FZD6: variants seen among roughly 807,000 people sequenced by gnomAD.
FZD6 encodes frizzled-6.
A neutral mutation model predicts 61.4 loss-of-function variants in FZD6; 49 were observed. That is an observed-to-expected ratio of 0.80 (90% CI 0.63 to 1.01). The LOEUF is 1.01. FZD6 is among the 50% of genes least tolerant of loss of function. The pLI, the probability that FZD6 is intolerant of heterozygous loss-of-function variation, is 0.00. For synonymous variants in FZD6, 265 were observed against 292.2 expected, an observed-to-expected ratio of 0.91 and a Z score of 0.95; for missense variants, 724 against 848.2, an observed-to-expected ratio of 0.85 and a Z score of 1.82.
chr8:103,315,006 T>C (rs1814590020), intron 2 of FZD6, among the ~76,000 whole-genome samples: 1 of 152,240 alleles, frequency 6.6e-6, no homozygotes, highest in Non-Finnish European at 1.5e-5. Flanking sequence ...GAAGTTGTCA[T>C]TCCTTCTTTT....
intron 4 of FZD6, among the ~76,000 whole-genome samples, chr8:103,327,794 A>G (rs1469836807): frequency 2.0e-5 from 3 of 152,006 alleles, no homozygotes; most frequent in African/African-American, 7.2e-5. Context: ...TTCTTAGGAA[A>G]TTTTCGCATT....
At chr8:103,331,216 C>A (rs113458844) in intron 6 of FZD6, 125 bp from the exon 7 acceptor site, 4 of 782,674 alleles carry the variant, frequency 5.1e-6, no homozygotes, top group Non-Finnish European at 9.3e-6. Context: ...TAAAGTACAC[C>A]TGAAGACTGT....
chr8:103,323,163 AAAAT>A (rs1270230087), intron 3 of FZD6, among the ~76,000 whole-genome samples: 1 of 152,208 alleles, frequency 6.6e-6, no homozygotes, highest in Non-Finnish European at 1.5e-5. Flanking sequence ...TAATGTAATA[AAAAT>A]ATTTTAAAAT....
At position 103,331,735 on chromosome 8, in the gene FZD6, T is replaced by G; in HGVS notation, c.*226T>G. 1 of 480,212 alleles carries G rather than the reference T, an allele frequency of 2.1e-6. No individual in the cohort carries two copies. The highest frequency in any genetic ancestry group is 3.8e-6 in the Non-Finnish European group (1 of 264,304). The allele number at this position is 480,212 out of a possible 1,614,324, so 29.7% of individuals were successfully genotyped here. On this transcript the variant is annotated 3_prime_UTR_variant, in exon 7 of 7. Transcript: ENST00000358755. The stretch of plus-strand genomic sequence containing the variant: ...GAAAATGTGCAGGTTAATAATATTT[T>G]TTTAATAGTGTGGGAGGACAGAGTT...
At chr8:103,323,313 A>T (rs1306046739) in intron 3 of FZD6, among the ~76,000 whole-genome samples, 1 of 139,298 alleles carries the variant, frequency 7.2e-6, no homozygotes, top group African/African-American at 2.7e-5. Context: ...CAAAATTGAC[A>T]TAATATTATG....
chr8:103,327,739 GT>G (rs1466870453), intron 4 of FZD6, among the ~76,000 whole-genome samples: 1 of 152,082 alleles, frequency 6.6e-6, no homozygotes, highest in Non-Finnish European at 1.5e-5. Context: ...AATGTTTAAG[GT>G]TAGAATTTCA....
chr8:103,313,760 C>CTGTGTGTGTGTGTGTGTGTGTG lies in FZD6; in HGVS notation c.178-4808_178-4787dup, dbSNP rs58157848. Among the ~76,000 whole-genome samples, 3 of 142,844 alleles carry CTGTGTGTGTGTGTGTGTGTGTG rather than the reference C, an allele frequency of 2.1e-5. No individual in the cohort carries two copies. In the East Asian group the frequency reaches 6.2e-4, roughly 30 times the overall value. 93.7% of individuals were successfully genotyped at this position (142,844 alleles called of 152,430 possible). A position where few individuals can be genotyped will look rare whatever the true frequency, so the allele number is the denominator to read the frequency against. ...GGATCTGACCTGAGACTTGATTTTTCTGTGTGTGTGTGTGTGTGTGTGTGT... is the reference window on the plus strand; with the variant it reads ...GGATCTGACCTGAGACTTGATTTTTCTGTGTGTGTGTGTGTGTGTGTGTGTGTGTGTGTGTGTGTGTGTGTGT... On this transcript the variant is annotated intron_variant, in intron 2 of 6. Coordinates refer to ENST00000358755, the MANE Select transcript of FZD6 (RefSeq NM_003506.4).
intron 2 of FZD6, among the ~76,000 whole-genome samples, chr8:103,306,728 A>G (rs1481401503): frequency 2.0e-5 from 3 of 151,712 alleles, no homozygotes; most frequent in African/African-American, 7.3e-5. Flanking sequence ...GATGGTCTCA[A>G]TCTCCTGACC....
chr8:103,307,666 T>C (rs1320773869), intron 2 of FZD6: 2 of 434,360 alleles, frequency 4.6e-6, no homozygotes, highest in East Asian at 1.4e-4. Context: ...TATATAGCTC[T>C]TAATTCTTTT....
rs758435251 is a variant in FZD6, at chr8:103,318,586, A to G, written c.178-4A>G. The G allele has an allele frequency of 7.1e-6, 11 of 1,555,002 alleles. No homozygotes were observed. Among genetic ancestry groups the G allele is most frequent in the African/African-American group, 4.1e-5 (3 of 73,808 alleles). On this transcript the variant is annotated splice_region_variant and splice_polypyrimidine_tract_variant and intron_variant, in intron 2 of 6. Transcript: ENST00000358755. ...TTCTAACTGTATCTTGATGTCTTTA[A>G]TAGCATTTTCTTCCTCTCGCAAATC... is the stretch of plus-strand genomic sequence containing the variant.
intron 2 of FZD6, among the ~76,000 whole-genome samples, chr8:103,314,961 T>C (rs562739893): frequency 1.6e-4 from 24 of 152,352 alleles, no homozygotes; most frequent in African/African-American, 5.8e-4. Context: ...GAATGTTTTG[T>C]GGCAGGAGAT....
chr8:103,302,731 A>C (rs1027117484), intron 2 of FZD6, among the ~76,000 whole-genome samples: 1 of 152,182 alleles, frequency 6.6e-6, no homozygotes, highest in Non-Finnish European at 1.5e-5. Context: ...AAACTGGGTG[A>C]TTGTTTTACC....
At chr8:103,314,554 G>T (rs915865735) in intron 2 of FZD6, among the ~76,000 whole-genome samples, 1 of 152,186 alleles carries the variant, frequency 6.6e-6, no homozygotes, top group Non-Finnish European at 1.5e-5. Context: ...CAATCTCAGA[G>T]CATCATTCAA....
At chr8:103,323,043 T>C (rs964363857) in intron 3 of FZD6, among the ~76,000 whole-genome samples, 2 of 152,230 alleles carry the variant, frequency 1.3e-5, no homozygotes, top group Non-Finnish European at 2.9e-5. Flanking sequence ...CTAGAAAATA[T>C]AGTGTTAAAT....
At chr8:103,326,005 T>C (rs1487807604) in intron 4 of FZD6, among the ~76,000 whole-genome samples, 1 of 152,218 alleles carries the variant, frequency 6.6e-6, no homozygotes, top group Non-Finnish European at 1.5e-5. Flanking sequence ...CAAAATATGC[T>C]TTATCTATTT....
intron 2 of FZD6, among the ~76,000 whole-genome samples, chr8:103,303,484 C>A (rs1814231130): frequency 6.6e-6 from 1 of 152,092 alleles, no homozygotes; most frequent in African/African-American, 2.4e-5. Flanking sequence ...CTACATGTCT[C>A]TAGATTGAGA....
At chr8:103,316,119 T>C (rs999298197) in intron 2 of FZD6, among the ~76,000 whole-genome samples, 2 of 152,256 alleles carry the variant, frequency 1.3e-5, no homozygotes, top group Admixed American at 6.5e-5. Flanking sequence ...TTAAATATTG[T>C]ACACTGCTGA....
chr8:103,331,634 A>C lies in FZD6; in HGVS notation c.*125A>C. 1 of 724,522 alleles carries C rather than the reference A, an allele frequency of 1.4e-6. No individual in the cohort carries two copies. The highest frequency in any genetic ancestry group is 2.5e-6 in the Non-Finnish European group (1 of 402,858). The allele number at this position is 724,522 out of a possible 1,614,324, so 44.9% of individuals were successfully genotyped here. A position where few individuals can be genotyped will look rare whatever the true frequency, so the allele number is the denominator to read the frequency against. Reference sequence around the variant, plus strand: ...TTAAAGTTGCATTGCCTACTGTTATACTGGAAAAAATAGAGTTCAAGAATA... The same window carrying C: ...TTAAAGTTGCATTGCCTACTGTTATCCTGGAAAAAATAGAGTTCAAGAATA... On this transcript the variant is annotated 3_prime_UTR_variant, in exon 7 of 7. Coordinates refer to ENST00000358755, the MANE Select transcript of FZD6 (RefSeq NM_003506.4).
rs1815161530 is a variant in FZD6 at position 103,332,236 on chromosome 8, T to C, written c.*727T>C. 5 of 152,358 alleles carry C rather than the reference T, an allele frequency of 3.3e-5. No homozygotes were observed. The highest frequency in any genetic ancestry group is 2.1e-4 in the South Asian group (1 of 4,832). The allele number at this position is 152,358 out of a possible 1,614,324, so 9.4% of individuals were successfully genotyped here. On this transcript the variant is annotated 3_prime_UTR_variant, in exon 7 of 7. Coordinates refer to ENST00000358755, the MANE Select transcript of FZD6 (RefSeq NM_003506.4). The stretch of plus-strand genomic sequence containing the variant: ...TCCACTATTGATTGTATTATGCTGC[T>C]CACTGATCCTTCTGCATATTTAAAA...
Sources: gnomAD v4.1 joint callset for allele counts (sites outside exome capture counted in the v4.1 genomes callset) on GRCh38, gnomAD v4.1.1 for gene constraint, MANE v1.5 for transcripts, NCBI Gene and HGNC (gene_info 2026-07-23, HGNC 2026-07-21) for gene names.